The following CD200 variants were observed in gnomAD, a reference collection of about 807,000 sequenced individuals.
CD200 encodes OX-2 membrane glycoprotein.
A neutral mutation model predicts 30.9 loss-of-function variants in CD200; 15 were observed. The observed-to-expected ratio is 0.49, with a 90% CI of 0.32 to 0.75. The LOEUF (loss-of-function observed/expected upper bound fraction) is 0.75. Among genes scored for constraint, CD200 ranks in the 30% least tolerant of loss-of-function variants. CD200 has a pLI of 0.03. For missense variants in CD200, 262 were observed against 324.2 expected, an observed-to-expected ratio of 0.81 and a Z score of 1.47; for synonymous variants, 134 against 126.2, an observed-to-expected ratio of 1.06 and a Z score of -0.41.
At chr3:112,344,424 A>C (rs16859479) in intron 2 of CD200, among the ~76,000 whole-genome samples, 6,537 of 152,250 alleles carry the variant, frequency 0.043, 220 homozygotes, top group South Asian at 0.17. Context: ...TTGTCCCATA[A>C]ATCTCTTTAC....
intron 5 of CD200, among the ~76,000 whole-genome samples, chr3:112,353,846 A>C (rs1342192572): frequency 6.6e-6 from 1 of 152,182 alleles, no homozygotes; most frequent in Non-Finnish European, 1.5e-5. Context: ...CAGAGGCTGG[A>C]TGAATGGCAC....
intron 4 of CD200, among the ~76,000 whole-genome samples, 161 bp downstream of exon 4, chr3:112,347,991 A>G (rs2108453532): frequency 6.6e-6 from 1 of 152,332 alleles, no homozygotes; most frequent in African/African-American, 2.4e-5. Flanking sequence ...AATTGAAGAA[A>G]CAAATAAAGC....
At chr3:112,344,600 C>T (rs2081340626) in intron 2 of CD200, among the ~76,000 whole-genome samples, 1 of 152,164 alleles carries the variant, frequency 6.6e-6, no homozygotes, top group African/African-American at 2.4e-5. Flanking sequence ...CCTTTTCCTG[C>T]TCTTTGCTTC....
intron 1 of CD200, among the ~76,000 whole-genome samples, chr3:112,335,603 A>T (rs775638278): frequency 7.2e-5 from 11 of 152,182 alleles, no homozygotes; most frequent in Non-Finnish European, 1.6e-4. Context: ...GGTTCTCTCT[A>T]GCTGAAGACA....
At chr3:112,335,956 C>A in intron 1 of CD200, 1 of 1,611,302 alleles carries the variant, frequency 6.2e-7, no homozygotes, top group Non-Finnish European at 8.5e-7. Context: ...CTGACCAGGA[C>A]AATTGGGGGC....
At chr3:112,338,630 C>A (rs993427759) in intron 1 of CD200, among the ~76,000 whole-genome samples, 1 of 152,118 alleles carries the variant, frequency 6.6e-6, no homozygotes, top group African/African-American at 2.4e-5. Context: ...GACTCAATGG[C>A]TTTCAGAGAT....
chr3:112,336,131 T>C (rs2081110582), intron 1 of CD200: 1 of 754,658 alleles, frequency 1.3e-6, no homozygotes, highest in South Asian at 1.6e-5. Flanking sequence ...TATTTGGAAT[T>C]GGTTTGGTAC....
intron 1 of CD200, chr3:112,333,935 T>C: frequency 1.0e-6 from 1 of 983,444 alleles, no homozygotes; most frequent in Non-Finnish European, 1.2e-6. Context: ...ATATATCCCA[T>C]TGGTATATGA....
At position 112,334,759 on chromosome 3, in the gene CD200, C is replaced by A. The variant is rs190529532; in HGVS notation, c.12+1535C>A. On this transcript the variant is annotated intron_variant, in intron 1 of 5. Coordinates refer to ENST00000315711, the MANE Select transcript of CD200 (RefSeq NM_005944.7). ...TGCACAGACTCGAGGAAAAAAAAAACCTGTAAAATAAAAATACGTATCTAT... is the reference window on the plus strand; with the variant it reads ...TGCACAGACTCGAGGAAAAAAAAAAACTGTAAAATAAAAATACGTATCTAT... Among the ~76,000 whole-genome samples, 247 of 151,662 alleles carry A rather than the reference C, an allele frequency of 1.6e-3. 4 individuals carry two copies. In the East Asian group the frequency reaches 0.043, roughly 26 times the overall value.
At chr3:112,334,533 A>G (rs537086396) in intron 1 of CD200, among the ~76,000 whole-genome samples, 1 of 152,300 alleles carries the variant, frequency 6.6e-6, no homozygotes, top group East Asian at 1.9e-4. Flanking sequence ...GCTTATTTCT[A>G]CTGGCAGTAT....
Position 112,345,281 on chromosome 3 carries a change from C to A in CD200, c.414C>A (p.Thr138=). 1 of 1,611,058 alleles carries A rather than the reference C, an allele frequency of 6.2e-7. No individual in the cohort carries two copies. Among genetic ancestry groups the A allele is most frequent in the African/African-American group, 1.3e-5 (1 of 74,958 alleles). Residue 138 remains threonine, a synonymous_variant, in exon 3 of 6, where the codon ACC becomes ACA. Transcript: ENST00000315711. ...FGKISGTACL[T]VYVQPIVSLH... is the part of the protein sequence containing the mutation. ...AGATCTCAGGAACGGCCTGCCTCAC[C>A]GTCTATGGTGAGAATCTCTGAGAAT...
rs1445547560 is a variant in CD200 at position 112,347,719 on chromosome 3, G to A, written c.583G>A (p.Val195Ile). The A allele has an allele frequency of 1.2e-6, 2 of 1,613,960 alleles. No homozygotes were observed. Among genetic ancestry groups the A allele is most frequent in the Non-Finnish European group, 8.5e-7 (1 of 1,179,930 alleles). ...GTCTCACCCAAATGGGACCACGTCTGTTACCAGCATCCTCCATATCAAAGA... is the reference window on the plus strand; with the variant it reads ...GTCTCACCCAAATGGGACCACGTCTATTACCAGCATCCTCCATATCAAAGA... Reference protein sequence around the residue: ...TLSHPNGTTSVTSILHIKDPK... With the variant: ...TLSHPNGTTSITSILHIKDPK... Residue 195 changes from valine (V) to isoleucine (I), a missense_variant, in exon 4 of 6, where the codon GTT becomes ATT. Coordinates refer to ENST00000315711, the MANE Select transcript of CD200 (RefSeq NM_005944.7).
chr3:112,347,868 G>T (rs1176516767), intron 4 of CD200, 38 bp downstream of exon 4: 12 of 1,585,140 alleles, frequency 7.6e-6, no homozygotes, highest in Non-Finnish European at 8.6e-6. Context: ...GGTTGTGTCT[G>T]TGTGCATGGA....
chr3:112,342,326 TTTC>T (rs1559783046), intron 2 of CD200, among the ~76,000 whole-genome samples: 2 of 32,192 alleles, frequency 6.2e-5, no homozygotes, highest in East Asian at 8.0e-4. Context: ...TCTTTCTTTC[TTTC>T]TTTCTTTCCT....
chr3:112,354,889 C>G (rs1213941393), intron 5 of CD200, among the ~76,000 whole-genome samples: 1 of 152,086 alleles, frequency 6.6e-6, no homozygotes, highest in Non-Finnish European at 1.5e-5. Flanking sequence ...TCTTCAAAAC[C>G]AACAATGTCC....
chr3:112,335,779 CT>C, intron 1 of CD200: 1 of 653,644 alleles, frequency 1.5e-6, no homozygotes, highest in Non-Finnish European at 2.8e-6. Flanking sequence ...AAGAAGAGCC[CT>C]TTTCCAGCAG....
chr3:112,344,760 A>C (rs942373865), intron 2 of CD200, among the ~76,000 whole-genome samples: 4 of 152,232 alleles, frequency 2.6e-5, no homozygotes, highest in Non-Finnish European at 4.4e-5. Flanking sequence ...CTACTCTGCT[A>C]CTATTCTTTA....
intron 5 of CD200, among the ~76,000 whole-genome samples, chr3:112,359,334 A>G (rs1413684037): frequency 1.3e-5 from 2 of 152,226 alleles, no homozygotes; most frequent in African/African-American, 4.8e-5. Context: ...ATTATTCTGG[A>G]TTCCAGTCAG....
chr3:112,349,713 C>T lies in CD200; in HGVS notation c.696C>T (p.Gly232=). ...TTTTTCTTTCTTCAATATCTATAGG[C>T]TATTGGTTTTCAGTTCCGCTATTGC... ...VTDFKQTVNK[G]YWFSVPLLLS... Residue 232 remains glycine (G), a splice_region_variant and synonymous_variant, in exon 5 of 6, where the codon GGC becomes GGT. Transcript: ENST00000315711. The T allele has an allele frequency of 6.2e-7, 1 of 1,610,684 alleles. No individual in the cohort carries two copies.
Sources: gnomAD v4.1 joint callset for allele counts (sites outside exome capture counted in the v4.1 genomes callset) on GRCh38, gnomAD v4.1.1 for gene constraint, MANE v1.5 for transcripts, NCBI Gene and HGNC (gene_info 2026-07-23, HGNC 2026-07-21) for gene names.